EDIL3: variants seen among roughly 807,000 people sequenced by gnomAD.
The protein encoded by EDIL3 is EGF-like repeat and discoidin I-like domain-containing protein 3.
EDIL3 carries 37 observed loss-of-function variants against 67.4 expected under a neutral mutation model. The observed-to-expected ratio is 0.55, with a 90% confidence interval of 0.42 to 0.72. The LOEUF (loss-of-function observed/expected upper bound fraction) is 0.72, where lower values mean the gene tolerates loss of function less well. Ranked by LOEUF, EDIL3 falls within the 30% of genes least tolerant of loss-of-function variation. The pLI is 0.00. For missense variants in EDIL3, 527 were observed against 586.3 expected (o/e 0.90, Z 1.04); for synonymous variants, 195 against 196.3 (o/e 0.99, Z 0.05).
At chr5:84,330,442 A>G (rs77995754) in intron 1 of EDIL3, among the ~76,000 whole-genome samples, 2,741 of 152,304 alleles carry the variant, frequency 0.018, 86 homozygotes, top group African/African-American at 0.062. Context: ...CAGAATATGC[A>G]TATAGTTGGT....
At chr5:84,201,796 A>G (rs555422737) in intron 3 of EDIL3, among the ~76,000 whole-genome samples, 1 of 152,260 alleles carries the variant, frequency 6.6e-6, no homozygotes, top group African/African-American at 2.4e-5. Flanking sequence ...TGCCAACTAT[A>G]TTTTGAAAGG....
At chr5:83,963,496 A>G in intron 9 of EDIL3, 136 bp from the exon 10 acceptor site, 1 of 993,750 alleles carries the variant, frequency 1.0e-6, no homozygotes, top group Non-Finnish European at 1.4e-6. Context: ...TTTGAAACCA[A>G]TGACTGAGTC....
intron 1 of EDIL3, among the ~76,000 whole-genome samples, chr5:84,302,524 CT>C (rs1267924273): frequency 6.6e-6 from 1 of 152,170 alleles, no homozygotes; most frequent in Admixed American, 6.5e-5. Context: ...TCTCGATCTC[CT>C]GACCTCGTGA....
chr5:84,384,558 G>T lies in EDIL3; in HGVS notation c.-184C>A, dbSNP rs1735400709. ...AGGGCGAGAGTGGTGACTAAAGAGAGGAGCCTTTCCTCCCCTTTTGCCTGC... is the reference window on the plus strand; with the variant it reads ...AGGGCGAGAGTGGTGACTAAAGAGATGAGCCTTTCCTCCCCTTTTGCCTGC... On this transcript the variant is annotated 5_prime_UTR_variant, in exon 1 of 11. Transcript: ENST00000296591. 3 of 519,406 alleles carry T rather than the reference G, an allele frequency of 5.8e-6. No individual in the cohort carries two copies. Among genetic ancestry groups the T allele is most frequent in the Non-Finnish European group, 9.8e-6 (3 of 306,192 alleles). The allele number at this position is 519,406 out of a possible 1,614,324, so 32.2% of individuals were successfully genotyped here. A position where few individuals can be genotyped will look rare whatever the true frequency, so the allele number is the denominator to read the frequency against.
intron 1 of EDIL3, among the ~76,000 whole-genome samples, chr5:84,284,282 T>A (rs1365904534): frequency 6.6e-6 from 1 of 152,194 alleles, no homozygotes; most frequent in Non-Finnish European, 1.5e-5. Context: ...TTAGTCTTTA[T>A]CTCTTCATTG....
Position 84,280,309 on chromosome 5 carries a change from A to G in EDIL3, c.68-26097T>C, listed in dbSNP as rs1271329194. Among the ~76,000 whole-genome samples, 11 of 152,250 alleles carry G rather than the reference A, an allele frequency of 7.2e-5. No homozygotes were observed. In the South Asian group the frequency reaches 1.5e-3, roughly 20 times the overall value. ...CATCTCCTTGAAATTGATATAATTT[A>G]ATCAGATCATGATCTCTAGAAGCAT... On this transcript the variant is annotated intron_variant, in intron 1 of 10. Transcript: ENST00000296591.
At chr5:84,006,947 C>A (rs926485474) in intron 9 of EDIL3, among the ~76,000 whole-genome samples, 66 of 151,894 alleles carry the variant, frequency 4.3e-4, no homozygotes, top group Admixed American at 2.5e-3. Flanking sequence ...GACATATAGA[C>A]CAATAGAATA....
At chr5:84,346,125 C>CTTT (rs1168130338) in intron 1 of EDIL3, among the ~76,000 whole-genome samples, 1 of 125,102 alleles carries the variant, frequency 8.0e-6, no homozygotes, top group Non-Finnish European at 1.7e-5. Context: ...AGTCATCAAA[C>CTTT]TTTTTTTTTC....
intron 1 of EDIL3, among the ~76,000 whole-genome samples, chr5:84,332,595 G>A (rs564500864): frequency 5.3e-5 from 8 of 152,212 alleles, no homozygotes; most frequent in South Asian, 4.1e-4. Context: ...TTAACTAGTA[G>A]AGACATAGGG....
chr5:84,328,295 A>C (rs1246284781), intron 1 of EDIL3, among the ~76,000 whole-genome samples: 1 of 152,032 alleles, frequency 6.6e-6, no homozygotes, highest in African/African-American at 2.4e-5. Flanking sequence ...TGTGCATCAC[A>C]TTTTGGGAAC....
chr5:84,382,026 C>T (rs1267213382), intron 1 of EDIL3, among the ~76,000 whole-genome samples: 1 of 152,092 alleles, frequency 6.6e-6, no homozygotes, highest in Admixed American at 6.6e-5. Flanking sequence ...AATAAGTTTG[C>T]CGGAAGTTTA....
At chr5:83,993,185 T>G (rs1399922364) in intron 9 of EDIL3, among the ~76,000 whole-genome samples, 1 of 152,200 alleles carries the variant, frequency 6.6e-6, no homozygotes, top group Non-Finnish European at 1.5e-5. Context: ...ATTTTATTTA[T>G]TTATTGAGAC....
chr5:84,367,293 C>T (rs1747758990), intron 1 of EDIL3, among the ~76,000 whole-genome samples: 1 of 150,982 alleles, frequency 6.6e-6, no homozygotes, highest in South Asian at 2.1e-4. Context: ...TTTTTTGAGA[C>T]AGGGTCTTGC....
chr5:84,330,478 T>A (rs1746846137), intron 1 of EDIL3, among the ~76,000 whole-genome samples: 1 of 152,182 alleles, frequency 6.6e-6, no homozygotes, highest in East Asian at 1.9e-4. Context: ...CAGGAATAAC[T>A]GAAAAGGACA....
chr5:84,049,022 T>C (rs1255353860), intron 9 of EDIL3, among the ~76,000 whole-genome samples: 3 of 152,134 alleles, frequency 2.0e-5, no homozygotes, highest in Non-Finnish European at 2.9e-5. Context: ...AAGCCAGTGA[T>C]AACAGACACA....
At chr5:84,232,642 T>C (rs1189569088) in intron 2 of EDIL3, among the ~76,000 whole-genome samples, 1 of 152,132 alleles carries the variant, frequency 6.6e-6, no homozygotes, top group Non-Finnish European at 1.5e-5. Context: ...AGCCAGCAAA[T>C]ACACAACTTT....
chr5:84,098,100 GA>G (rs34968983), intron 6 of EDIL3, among the ~76,000 whole-genome samples: 47,295 of 139,202 alleles, frequency 0.34, 7,973 homozygotes, highest in East Asian at 0.64. Flanking sequence ...CTAGAAATCT[GA>G]AAAAAAAAAA....
intron 10 of EDIL3, among the ~76,000 whole-genome samples, chr5:83,959,486 G>A (rs1230525217): frequency 6.6e-6 from 1 of 150,886 alleles, no homozygotes; most frequent in Non-Finnish European, 1.5e-5. Flanking sequence ...AGACTTAGAA[G>A]CTTTTGTTTA....
intron 7 of EDIL3, among the ~76,000 whole-genome samples, chr5:84,066,071 C>T (rs1746633930): frequency 6.7e-6 from 1 of 148,856 alleles, no homozygotes; most frequent in South Asian, 2.1e-4. Context: ...GCCGAGATCG[C>T]GCCACTGCAC....
Sources: gnomAD v4.1 joint callset for allele counts (sites outside exome capture counted in the v4.1 genomes callset) on GRCh38, gnomAD v4.1.1 for gene constraint, MANE v1.5 for transcripts, NCBI Gene and HGNC (gene_info 2026-07-23, HGNC 2026-07-21) for gene names.